The following PCNX1 variants were observed in gnomAD, a reference collection of about 807,000 sequenced individuals.
The protein encoded by PCNX1 is pecanex 1.
In PCNX1, 78 loss-of-function variants were observed where a neutral mutation model predicts 242.2. That is an observed-to-expected ratio of 0.32 (90% confidence interval 0.27 to 0.39). The LOEUF (loss-of-function observed/expected upper bound fraction) is 0.39. Among genes scored for constraint, PCNX1 ranks in the 10% least tolerant of loss-of-function variants. The pLI, the probability that PCNX1 is intolerant of heterozygous loss-of-function variation, is 1.00. For missense variants in PCNX1, 2,581 were observed against 2,856.5 expected, an observed-to-expected ratio of 0.90 and a Z score of 2.20; for synonymous variants, 1,024 against 1,032.9, an observed-to-expected ratio of 0.99 and a Z score of 0.17.
intron 3 of PCNX1, among the ~76,000 whole-genome samples, chr14:70,963,301 C>T (rs1023345121): frequency 6.6e-6 from 1 of 152,148 alleles, no homozygotes; most frequent in African/African-American, 2.4e-5. Flanking sequence ...ATTTATATGG[C>T]ACTTTACAAG....
intron 28 of PCNX1, among the ~76,000 whole-genome samples, chr14:71,081,880 ATTT>A (rs2061862880): frequency 6.6e-6 from 1 of 151,710 alleles, no homozygotes; most frequent in African/African-American, 2.4e-5. Flanking sequence ...GATCTTAGTT[ATTT>A]CTTGTCTTCT....
chr14:70,994,427 ATATG>A (rs57544073), intron 7 of PCNX1, among the ~76,000 whole-genome samples: 92 of 88,690 alleles, frequency 1.0e-3, no homozygotes, highest in Admixed American at 6.1e-3. Flanking sequence ...ATATATATAT[ATATG>A]TATGTATGTA....
intron 1 of PCNX1, among the ~76,000 whole-genome samples, chr14:70,908,204 G>GCCCACGGCAA (rs1234591851): frequency 2.0e-5 from 3 of 152,082 alleles, no homozygotes; most frequent in Non-Finnish European, 4.4e-5. Flanking sequence ...CGAGCAACGA[G>GCCCACGGCAA]CCCACGGCAA....
chr14:71,073,008 T>C (rs1378740168), intron 26 of PCNX1, among the ~76,000 whole-genome samples: 2 of 152,214 alleles, frequency 1.3e-5, no homozygotes, highest in Non-Finnish European at 2.9e-5. Context: ...ACCACACGAA[T>C]TATCAGACCC....
intron 2 of PCNX1, among the ~76,000 whole-genome samples, chr14:70,952,151 A>C (rs1385926499): frequency 3.3e-5 from 5 of 152,208 alleles, no homozygotes; most frequent in African/African-American, 9.6e-5. Flanking sequence ...ATATATAGAG[A>C]GTTCTTAGAA....
At chr14:70,942,547 G>T (rs1461988972) in intron 1 of PCNX1, among the ~76,000 whole-genome samples, 1 of 152,168 alleles carries the variant, frequency 6.6e-6, no homozygotes, top group African/African-American at 2.4e-5. Context: ...GCAGATACCA[G>T]CTGGGTATCC....
chr14:70,914,795 G>A (rs921265040), intron 1 of PCNX1, among the ~76,000 whole-genome samples: 1 of 152,100 alleles, frequency 6.6e-6, no homozygotes, highest in Non-Finnish European at 1.5e-5. Context: ...CTCTTCAGCA[G>A]GTGCATTGTC....
chr14:70,962,211 T>G lies in PCNX1; in HGVS notation c.363-15T>G, dbSNP rs752354655. 1 of 1,494,822 alleles carries G rather than the reference T, an allele frequency of 6.7e-7. No individual in the cohort carries two copies. The highest frequency in any genetic ancestry group is 1.4e-5 in the African/African-American group (1 of 72,676). 92.6% of individuals were successfully genotyped at this position (1,494,822 alleles called of 1,614,324 possible). Reference sequence around the variant, plus strand: ...ATAATGACAGTTACTCTTTTTCTCATTTTTTTCTCCACAGTGATCCTGGTG... The same window carrying G: ...ATAATGACAGTTACTCTTTTTCTCAGTTTTTTCTCCACAGTGATCCTGGTG... On this transcript the variant is annotated splice_polypyrimidine_tract_variant and intron_variant, in intron 2 of 35. Coordinates refer to ENST00000304743, the MANE Select transcript of PCNX1 (RefSeq NM_014982.3).
intron 16 of PCNX1, among the ~76,000 whole-genome samples, chr14:71,032,834 G>A (rs973463278): frequency 2.0e-5 from 3 of 152,198 alleles, no homozygotes; most frequent in East Asian, 3.8e-4. Context: ...GAGTGACCAC[G>A]TGTGGTTGGC....
intron 8 of PCNX1, among the ~76,000 whole-genome samples, chr14:70,998,077 G>GT (rs1418981016): frequency 6.6e-6 from 1 of 151,958 alleles, no homozygotes; most frequent in Non-Finnish European, 1.5e-5. Context: ...ACACATACAT[G>GT]TTTGAGTGCA....
intron 1 of PCNX1, among the ~76,000 whole-genome samples, chr14:70,935,571 T>C (rs1489484802): frequency 6.6e-6 from 1 of 152,238 alleles, no homozygotes; most frequent in African/African-American, 2.4e-5. Flanking sequence ...CAGTGTTAAG[T>C]ACTCTGTTTT....
intron 8 of PCNX1, 61 bp from the exon 9 acceptor site, chr14:71,009,573 A>G (rs927525866): frequency 1.1e-4 from 109 of 963,654 alleles, no homozygotes; most frequent in Non-Finnish European, 1.4e-4. Context: ...AATTTAGTAT[A>G]TCATGAAGGA....
intron 30 of PCNX1, among the ~76,000 whole-genome samples, chr14:71,096,898 T>G (rs2062300136): frequency 6.6e-6 from 1 of 152,070 alleles, no homozygotes; most frequent in African/African-American, 2.4e-5. Flanking sequence ...CTTAGCTGGG[T>G]TCTAGAAGAA....
At position 70,907,589 on chromosome 14, in the gene PCNX1, T is replaced by G; in HGVS notation, c.-262T>G. On this transcript the variant is annotated 5_prime_UTR_variant, in exon 1 of 36. Transcript: ENST00000304743. ...TGTTAGGAGACAAGATGGCGGCGGC[T>G]CTCAGAAGGCCGGTCTCCTCCTCTC... The G allele has an allele frequency of 4.7e-6, 1 of 213,458 alleles. No homozygotes were observed. Among genetic ancestry groups the G allele is most frequent in the Non-Finnish European group, 8.9e-6 (1 of 111,842 alleles). 13.2% of individuals were successfully genotyped at this position (213,458 alleles called of 1,614,324 possible).
intron 1 of PCNX1, among the ~76,000 whole-genome samples, chr14:70,938,835 A>G (rs1475931546): frequency 1.3e-5 from 2 of 152,204 alleles, no homozygotes; most frequent in Non-Finnish European, 2.9e-5. Context: ...CAGGGATTCA[A>G]CTTCTTCCTG....
chr14:70,915,818 A>G (rs2056131555), intron 1 of PCNX1, among the ~76,000 whole-genome samples: 1 of 152,200 alleles, frequency 6.6e-6, no homozygotes, highest in African/African-American at 2.4e-5. Flanking sequence ...GAATATAAAT[A>G]TGAGAATGAG....
chr14:71,059,408 G>A (rs1231915011), intron 26 of PCNX1, among the ~76,000 whole-genome samples: 1 of 151,734 alleles, frequency 6.6e-6, no homozygotes, highest in Non-Finnish European at 1.5e-5. Context: ...TAAGAGACAG[G>A]GGTCTCGCTC....
rs770957851 is a variant in PCNX1 at position 70,977,808 on chromosome 14, A to G, written c.1471A>G (p.Asn491Asp). The G allele has an allele frequency of 3.1e-6, 5 of 1,614,110 alleles. No individual in the cohort carries two copies. Among genetic ancestry groups the G allele is most frequent in the Non-Finnish European group, 8.5e-7 (1 of 1,180,020 alleles). Residue 491 changes from asparagine to aspartate, a missense_variant, in exon 6 of 36, where the codon AAT becomes GAT. Asn to Asp is a conservative substitution (Grantham distance 23). Transcript: ENST00000304743. ...GLSTSASEEA[N>D]KNPHANEFTS... ...CAGCACCTCTGCATCTGAAGAAGCC[A>G]ATAAAAATCCCCATGCAAATGAATT... is the stretch of plus-strand genomic sequence containing the variant.
intron 30 of PCNX1, among the ~76,000 whole-genome samples, chr14:71,089,795 G>A (rs897006570): frequency 6.6e-6 from 1 of 152,114 alleles, no homozygotes; most frequent in Non-Finnish European, 1.5e-5. Context: ...TCCAAGTTAT[G>A]TTTCTTAGGA....
Sources: gnomAD v4.1 joint callset for allele counts (sites outside exome capture counted in the v4.1 genomes callset) on GRCh38, gnomAD v4.1.1 for gene constraint, MANE v1.5 for transcripts, NCBI Gene and HGNC (gene_info 2026-07-23, HGNC 2026-07-21) for gene names.